The following PLCXD2 variants were observed in gnomAD, a reference collection of about 807,000 sequenced individuals.
PLCXD2 encodes the protein phosphatidylinositol specific phospholipase C X domain containing 2, also known as PI-PLC X domain-containing protein 2.
PLCXD2 carries 21 observed loss-of-function variants against 28.6 expected under a neutral mutation model. The observed-to-expected ratio is 0.73, with a 90% confidence interval of 0.52 to 1.06. The LOEUF is 1.06. Ranked by LOEUF, PLCXD2 falls within the 50% of genes least tolerant of loss-of-function variation. The probability of loss-of-function intolerance (pLI) is 0.00; values close to 1 mark genes in which losing one functional copy is unlikely to be tolerated. For missense variants in PLCXD2, 369 were observed against 376.7 expected (o/e 0.98, Z 0.17); for synonymous variants, 140 against 150.1 (o/e 0.93, Z 0.49).
intron 1 of PLCXD2, among the ~76,000 whole-genome samples, chr3:111,688,465 C>T (rs964792951): frequency 6.6e-6 from 1 of 152,178 alleles, no homozygotes; most frequent in African/African-American, 2.4e-5. Flanking sequence ...TGTGACAGTA[C>T]CACACAAAGT....
intron 2 of PLCXD2, among the ~76,000 whole-genome samples, chr3:111,709,484 G>GCACA (rs937307379): frequency 7.8e-6 from 1 of 128,536 alleles, no homozygotes; most frequent in Non-Finnish European, 1.6e-5. Context: ...ACACACACAC[G>GCACA]CACACACACA....
chr3:111,685,921 C>T (rs942692963), intron 1 of PLCXD2, among the ~76,000 whole-genome samples: 2 of 152,174 alleles, frequency 1.3e-5, no homozygotes, highest in Admixed American at 6.5e-5. Flanking sequence ...ATGCTCCCCC[C>T]CACAACATGG....
rs984857069 is a variant in PLCXD2, at chr3:111,708,158, T to C, written c.396T>C (p.His132=). ...CCGACCAGGAGATCTACTTCATCCA[T>C]GGGCTTTTTGGCATCAAGGTCTGGG... Residue 132 remains histidine (H), a synonymous_variant, in exon 2 of 5, where the codon CAT becomes CAC. Transcript: ENST00000477665. 6.8e-6 allele frequency: 11 copies of C among 1,614,100 alleles called. No individual in the cohort carries two copies. The highest frequency in any genetic ancestry group is 1.1e-5 in the South Asian group (1 of 91,090).
rs138132371 is a variant in PLCXD2 at position 111,714,201 on chromosome 3, C to T, written c.866+73C>T. On this transcript the variant is annotated intron_variant, in intron 3 of 4. Coordinates refer to ENST00000477665, the MANE Select transcript of PLCXD2 (RefSeq NM_001185106.1). The stretch of plus-strand genomic sequence containing the variant: ...TATCTTGATTCTATTCTGAGTAAAT[C>T]GCAGTAAAGCCATGTAGTCTGAGGA... 1.5e-4 allele frequency: 224 copies of T among 1,499,622 alleles called. No individual in the cohort carries two copies. In the East Asian group the frequency reaches 4.2e-3, roughly 28 times the overall value. The allele number at this position is 1,499,622 out of a possible 1,614,324, so 92.9% of individuals were successfully genotyped here. A position where few individuals can be genotyped will look rare whatever the true frequency, so the allele number is the denominator to read the frequency against.
At chr3:111,690,952 T>A (rs1158911078) in intron 1 of PLCXD2, among the ~76,000 whole-genome samples, 2 of 152,186 alleles carry the variant, frequency 1.3e-5, no homozygotes, top group African/African-American at 4.8e-5. Flanking sequence ...GCCTTTAAAG[T>A]GAAGGGCACT....
At chr3:111,717,171 G>GT (rs911531163) in intron 3 of PLCXD2, among the ~76,000 whole-genome samples, 1 of 152,056 alleles carries the variant, frequency 6.6e-6, no homozygotes, top group African/African-American at 2.4e-5. Context: ...CTGAGCTGTG[G>GT]TTTTCTCACC....
intron 1 of PLCXD2, among the ~76,000 whole-genome samples, chr3:111,698,882 A>G (rs2107853854): frequency 1.3e-5 from 2 of 152,318 alleles, no homozygotes; most frequent in Admixed American, 1.3e-4. Context: ...TCCCCTGTGA[A>G]ATTATAACAC....
At chr3:111,677,642 T>C (rs374992697) in intron 1 of PLCXD2, among the ~76,000 whole-genome samples, 1 of 152,128 alleles carries the variant, frequency 6.6e-6, no homozygotes, top group African/African-American at 2.4e-5. Context: ...ATCACACAAA[T>C]AGTAAGTGGT....
chr3:111,684,460 C>T (rs1940764265), intron 1 of PLCXD2, among the ~76,000 whole-genome samples: 1 of 151,810 alleles, frequency 6.6e-6, no homozygotes, highest in South Asian at 2.1e-4. Context: ...TTGAGACTAG[C>T]CTGGCCAACA....
intron 2 of PLCXD2, among the ~76,000 whole-genome samples, chr3:111,710,480 G>A (rs1263714121): frequency 6.6e-6 from 1 of 152,144 alleles, no homozygotes; most frequent in African/African-American, 2.4e-5. Flanking sequence ...TTACAGATGA[G>A]GAAACTGAGG....
chr3:111,706,045 A>T (rs1452733527), intron 1 of PLCXD2, among the ~76,000 whole-genome samples: 2 of 151,920 alleles, frequency 1.3e-5, no homozygotes, highest in East Asian at 3.9e-4. Context: ...TTTTGTAGAG[A>T]TAGGGTTTCA....
chr3:111,680,246 A>G (rs1049158378), intron 1 of PLCXD2, among the ~76,000 whole-genome samples: 3 of 152,188 alleles, frequency 2.0e-5, no homozygotes, highest in Non-Finnish European at 4.4e-5. Context: ...CTTGCTTCTG[A>G]AAGTTGAACC....
In PLCXD2 at chr3:111,707,998, A is replaced by G. The variant is rs549501624; in HGVS notation, c.236A>G (p.Lys79Arg). 34 of 1,614,162 alleles carry G rather than the reference A, an allele frequency of 2.1e-5. No individual in the cohort carries two copies. The highest frequency in any genetic ancestry group is 1.6e-4 in the South Asian group (15 of 91,082). ...GGGCCTGACCAAACCCAAGCTATCA[A>G]ACGCCTCGCCAGGATCTCCTTGGTG... Residue 79 changes from lysine (K) to arginine (R), a missense_variant, in exon 2 of 5, where the codon AAA becomes AGA. By Grantham distance (26) the Lys-to-Arg change is conservative. Coordinates refer to ENST00000477665, the MANE Select transcript of PLCXD2 (RefSeq NM_001185106.1).
chr3:111,716,736 A>G (rs1259122678), intron 3 of PLCXD2, among the ~76,000 whole-genome samples: 1 of 152,134 alleles, frequency 6.6e-6, no homozygotes, highest in Non-Finnish European at 1.5e-5. Flanking sequence ...GCCATCCCCA[A>G]GCTCACATAT....
At chr3:111,699,146 CT>C (rs1283042417) in intron 1 of PLCXD2, among the ~76,000 whole-genome samples, 1 of 152,116 alleles carries the variant, frequency 6.6e-6, no homozygotes, top group Non-Finnish European at 1.5e-5. Context: ...AGTTCTTTGA[CT>C]TAGGGTCACC....
At chr3:111,698,922 G>T (rs547086227) in intron 1 of PLCXD2, among the ~76,000 whole-genome samples, 3 of 152,266 alleles carry the variant, frequency 2.0e-5, no homozygotes, top group African/African-American at 7.2e-5. Context: ...GTACATAGAA[G>T]AATAAGATTT....
rs1401619036 is a variant in PLCXD2, at chr3:111,674,704, C to G, written c.-542C>G. Reference sequence around the variant, plus strand: ...GGGAGTCCTGGTGCCGCCGGCTGCACTTCTGTGTGTCTTTCAGGAAGCCAC... The same window carrying G: ...GGGAGTCCTGGTGCCGCCGGCTGCAGTTCTGTGTGTCTTTCAGGAAGCCAC... On this transcript the variant is annotated 5_prime_UTR_variant, in exon 1 of 5. Coordinates refer to ENST00000477665, the MANE Select transcript of PLCXD2 (RefSeq NM_001185106.1). The G allele has an allele frequency of 6.6e-6, 1 of 152,616 alleles. No homozygotes were observed. The allele number at this position is 152,616 out of a possible 1,614,324, so 9.5% of individuals were successfully genotyped here.
At chr3:111,718,750 T>C in intron 3 of PLCXD2, among the ~76,000 whole-genome samples, 1 of 152,206 alleles carries the variant, frequency 6.6e-6, no homozygotes, top group East Asian at 1.9e-4. Flanking sequence ...GTTTCTTCTG[T>C]CTTCTTTAAA....
chr3:111,711,782 T>C (rs1314926509), intron 2 of PLCXD2, among the ~76,000 whole-genome samples: 1 of 152,150 alleles, frequency 6.6e-6, no homozygotes, highest in Non-Finnish European at 1.5e-5. Flanking sequence ...GATAGACAAT[T>C]GCATGATAAA....
Sources: gnomAD v4.1 joint callset for allele counts (sites outside exome capture counted in the v4.1 genomes callset) on GRCh38, gnomAD v4.1.1 for gene constraint, MANE v1.5 for transcripts, NCBI Gene and HGNC (gene_info 2026-07-23, HGNC 2026-07-21) for gene names.